Variants in ADAM7 observed in about 807,000 individuals in gnomAD.
The protein encoded by ADAM7 is disintegrin and metalloproteinase domain-containing protein 7.
Under a neutral mutation model 102.9 loss-of-function variants are expected in ADAM7, and 97 were observed. The ratio of observed to expected loss-of-function variants is 0.94; its 90% CI spans 0.80 to 1.12. The LOEUF (loss-of-function observed/expected upper bound fraction) is 1.12, where lower values mean the gene tolerates loss of function less well. Among genes scored for constraint, ADAM7 ranks in the 50% most tolerant of loss-of-function variants. The pLI is 0.00. For synonymous variants in ADAM7, 334 were observed against 304.4 expected (o/e 1.10, Z -1.01); for missense variants, 991 against 908.7 (o/e 1.09, Z -1.16).
rs183537205 is a variant in ADAM7 at position 24,504,547 on chromosome 8, A to G, written c.2209-2933A>G. On this transcript the variant is annotated intron_variant, in intron 20 of 21. Coordinates refer to ENST00000175238, the MANE Select transcript of ADAM7 (RefSeq NM_003817.4). ...ATTTAAGTCATGAAGAAGGGATCGA[A>G]AGGCCCAAATTTTAAGGCTAATAAT... Among the ~76,000 whole-genome samples, 11 of 152,280 alleles carry G rather than the reference A, an allele frequency of 7.2e-5. No homozygotes were observed. In the East Asian group the frequency reaches 2.1e-3, roughly 29 times the overall value.
chr8:24,497,457 G>T (rs1292065078), intron 16 of ADAM7, among the ~76,000 whole-genome samples: 1 of 152,088 alleles, frequency 6.6e-6, no homozygotes, highest in African/African-American at 2.4e-5. Flanking sequence ...TGGTTTATAT[G>T]TAATGTGGCC....
At chr8:24,491,790 A>G in intron 13 of ADAM7, 113 bp from the exon 14 acceptor site, 2 of 729,302 alleles carry the variant, frequency 2.7e-6, no homozygotes, top group Middle Eastern at 2.5e-4. Flanking sequence ...GAAGGAAGCT[A>G]TGATCCATCC....
intron 20 of ADAM7, among the ~76,000 whole-genome samples, chr8:24,501,802 G>A (rs956861168): frequency 1.3e-5 from 2 of 152,000 alleles, no homozygotes; most frequent in African/African-American, 2.4e-5. Context: ...TATCAGAGCA[G>A]AATATATTGG....
In ADAM7 at chr8:24,499,171, A is replaced by G. The variant is rs937400722; in HGVS notation, c.1843-65A>G. 3.1e-6 allele frequency: 4 copies of G among 1,306,114 alleles called. No homozygotes were observed. In the African/African-American group the frequency reaches 4.5e-5, roughly 15 times the overall value. The allele number at this position is 1,306,114 out of a possible 1,614,324, so 80.9% of individuals were successfully genotyped here. ...AAATTGTGCACTTCACATGCATTACATGAAATTACAATTTCACATCAATTG... is the reference window on the plus strand; with the variant it reads ...AAATTGTGCACTTCACATGCATTACGTGAAATTACAATTTCACATCAATTG... On this transcript the variant is annotated intron_variant, in intron 16 of 21. Transcript: ENST00000175238.
At chr8:24,496,588 C>T (rs1379762381) in intron 16 of ADAM7, among the ~76,000 whole-genome samples, 1 of 152,198 alleles carries the variant, frequency 6.6e-6, no homozygotes, top group Non-Finnish European at 1.5e-5. Context: ...TGGGAACCCA[C>T]CTCTTGCATC....
At chr8:24,464,547 T>C (rs1160637829) in intron 4 of ADAM7, among the ~76,000 whole-genome samples, 2 of 152,240 alleles carry the variant, frequency 1.3e-5, no homozygotes, top group East Asian at 3.8e-4. Flanking sequence ...AACATTACTT[T>C]TACCAAACCT....
At position 24,489,279 on chromosome 8, in the gene ADAM7, T is replaced by C. The variant is rs1376722502; in HGVS notation, c.1212T>C (p.Phe404=). The C allele has an allele frequency of 1.2e-6, 2 of 1,613,650 alleles. No homozygotes were observed. Among genetic ancestry groups the C allele is most frequent in the Non-Finnish European group, 1.7e-6 (2 of 1,179,714 alleles). Residue 404 remains phenylalanine, a synonymous_variant, in exon 12 of 22, where the codon TTT becomes TTC. Coordinates refer to ENST00000175238, the MANE Select transcript of ADAM7 (RefSeq NM_003817.4). ...CTTACAATTTTCATGATTTCCAATT[T>C]TGTGGAAACAAGAAGTTGGATGAGG... ...PFPYNFHDFQ[F]CGNKKLDEGE... is the part of the protein sequence containing the mutation.
At chr8:24,500,388 C>T in intron 18 of ADAM7, 132 bp downstream of exon 18, 1 of 734,376 alleles carries the variant, frequency 1.4e-6, no homozygotes, top group Non-Finnish European at 2.2e-6. Context: ...TATTATTGTG[C>T]ATGAATACCC....
chr8:24,463,870 C>T lies in ADAM7; in HGVS notation c.234-12C>T, dbSNP rs755768463. 4.2e-5 allele frequency: 68 copies of T among 1,609,932 alleles called. No individual in the cohort carries two copies. In the South Asian group the frequency reaches 7.5e-4, roughly 18 times the overall value. On this transcript the variant is annotated splice_polypyrimidine_tract_variant and intron_variant, in intron 3 of 21. Coordinates refer to ENST00000175238, the MANE Select transcript of ADAM7 (RefSeq NM_003817.4). ...CGAACAAATCTCACCACCTGTCTGC[C>T]CTCTTTTTCAGGGAGTTCCTAGGCT...
chr8:24,490,781 T>G lies in ADAM7; in HGVS notation c.1267-18T>G. On this transcript the variant is annotated intron_variant, in intron 12 of 21. Coordinates refer to ENST00000175238, the MANE Select transcript of ADAM7 (RefSeq NM_003817.4). The stretch of plus-strand genomic sequence containing the variant: ...AGTACATACCAATTTCTCATCTCTC[T>G]TTTGTGGTTATTGCCAGGAGTGTAC... 6.2e-7 allele frequency: 1 copy of G among 1,609,588 alleles called. No homozygotes were observed. The highest frequency in any genetic ancestry group is 1.1e-5 in the South Asian group (1 of 89,486).
intron 20 of ADAM7, among the ~76,000 whole-genome samples, chr8:24,502,695 T>C (rs1184345219): frequency 1.3e-5 from 2 of 152,142 alleles, no homozygotes; most frequent in South Asian, 2.1e-4. Flanking sequence ...GAAAAACAGA[T>C]AACCTGAATA....
At chr8:24,445,531 T>C (rs1306840698) in intron 2 of ADAM7, among the ~76,000 whole-genome samples, 9 of 152,336 alleles carry the variant, frequency 5.9e-5, no homozygotes, top group Non-Finnish European at 2.9e-5. Context: ...TTGTAGATTC[T>C]AGCATGTAAA....
intron 3 of ADAM7, among the ~76,000 whole-genome samples, chr8:24,448,713 A>T (rs1375570884): frequency 6.6e-6 from 1 of 151,790 alleles, no homozygotes; most frequent in African/African-American, 2.4e-5. Flanking sequence ...ACATGTGCAC[A>T]ATGTGCAGGT....
intron 16 of ADAM7, among the ~76,000 whole-genome samples, chr8:24,496,068 C>T (rs563509427): frequency 7.2e-5 from 11 of 152,300 alleles, no homozygotes; most frequent in South Asian, 4.1e-4. Flanking sequence ...CCAGGGTCCC[C>T]GTGCTGTGTG....
chr8:24,482,446 A>C, intron 9 of ADAM7, 135 bp downstream of exon 9: 1 of 864,730 alleles, frequency 1.2e-6, no homozygotes, highest in Non-Finnish European at 1.8e-6. Flanking sequence ...TGTTATTTGT[A>C]GCTACACAGA....
intron 3 of ADAM7, among the ~76,000 whole-genome samples, chr8:24,448,900 G>C (rs537851627): frequency 3.8e-4 from 58 of 152,184 alleles, no homozygotes; most frequent in Admixed American, 3.7e-3. Context: ...AGAATATGCG[G>C]TGTTTGCATT....
At chr8:24,441,717 C>G (rs1818378651) in intron 1 of ADAM7, among the ~76,000 whole-genome samples, 1 of 152,126 alleles carries the variant, frequency 6.6e-6, no homozygotes, top group Non-Finnish European at 1.5e-5. Flanking sequence ...CAGGGCTACC[C>G]AAAATTCTTT....
chr8:24,481,080 A>C (rs1819935095), intron 8 of ADAM7, among the ~76,000 whole-genome samples: 1 of 151,724 alleles, frequency 6.6e-6, no homozygotes, highest in South Asian at 2.1e-4. Context: ...ACAAACAAAC[A>C]AACAAACAAA....
intron 9 of ADAM7, among the ~76,000 whole-genome samples, chr8:24,483,098 T>C (rs1477824276): frequency 1.3e-5 from 2 of 152,308 alleles, no homozygotes; most frequent in Non-Finnish European, 2.9e-5. Context: ...ACTAATCTGA[T>C]AAGTGAAACC....
Sources: allele counts gnomAD v4.1 joint callset (sites outside exome capture counted in the v4.1 genomes callset), GRCh38; gene constraint gnomAD v4.1.1; transcripts MANE v1.5; gene names NCBI Gene and HGNC (gene_info 2026-07-23, HGNC 2026-07-21).